The following TRIM7 variants were observed in gnomAD, a reference collection of about 807,000 sequenced individuals.
TRIM7 encodes the protein E3 ubiquitin-protein ligase TRIM7.
TRIM7 carries 32 observed loss-of-function variants against 37.9 expected under a neutral mutation model. That is an observed-to-expected ratio of 0.84 (90% CI 0.64 to 1.13). TRIM7 has a LOEUF of 1.13. Ranked by LOEUF, TRIM7 falls within the 50% of genes most tolerant of loss-of-function variation. The pLI, the probability that TRIM7 is intolerant of heterozygous loss-of-function variation, is 0.00. For synonymous variants in TRIM7, 351 were observed against 321.3 expected (o/e 1.09, Z -0.99); for missense variants, 732 against 714.0 (o/e 1.03, Z -0.29).
intron 2 of TRIM7, chr5:181,201,140 C>A (rs1392464144): frequency 1.3e-5 from 2 of 155,926 alleles, no homozygotes; most frequent in Non-Finnish European, 2.8e-5. Context: ...CCAGGGTTTC[C>A]CAACCTTAAC....
intron 2 of TRIM7, 187 bp from the exon 3 acceptor site, chr5:181,200,268 G>A (rs1757399938): frequency 1.4e-6 from 2 of 1,460,474 alleles, no homozygotes; most frequent in Non-Finnish European, 1.8e-6. Context: ...CTGTAGTCTG[G>A]ACACATGCTC....
In TRIM7 at chr5:181,195,626, A is replaced by G; in HGVS notation, c.1076T>C (p.Leu359Pro). The change falls in exon 7 of 7, where the codon CTG (leucine) becomes CCG (proline). Residue 359 changes from leucine to proline, a missense_variant. By Grantham distance (98) the Leu-to-Pro change is moderately conservative. Transcript: ENST00000274773. ...GCCGAGGCGCACGCCCTTAAGATCC[A>G]GAGAGAGGATGAGGCGCGGGTTGGC... ...DTANPRLILS[L>P]DLKGVRLGER... 1.3e-6 allele frequency: 2 copies of G among 1,556,340 alleles called. No individual in the cohort carries two copies. Among genetic ancestry groups the G allele is most frequent in the Non-Finnish European group, 1.7e-6 (2 of 1,147,498 alleles).
chr5:181,203,786 G>T, intron 1 of TRIM7, 146 bp from the exon 2 acceptor site: 1 of 1,418,824 alleles, frequency 7.0e-7, no homozygotes, highest in Non-Finnish European at 9.2e-7. Flanking sequence ...CAGGCTACAG[G>T]TTACACTGCG....
At chr5:181,203,313 G>C (rs1757621904) in intron 2 of TRIM7, 1 of 1,341,288 alleles carries the variant, frequency 7.5e-7, no homozygotes, top group Non-Finnish European at 9.5e-7. Context: ...GACAGCTCCA[G>C]TTTAAGCCAG....
chr5:181,195,108 G>A lies in TRIM7; in HGVS notation c.*58C>T, dbSNP rs916686236. On this transcript the variant is annotated 3_prime_UTR_variant, in exon 7 of 7. Coordinates refer to ENST00000274773, the MANE Select transcript of TRIM7 (RefSeq NM_203293.3). ...CCCAAGACGGACCAGGCATCTCTGG[G>A]GAGGCGACATCCCCTCCCACCGGCA... The A allele has an allele frequency of 6.5e-7, 1 of 1,543,436 alleles. No homozygotes were observed. The highest frequency in any genetic ancestry group is 1.4e-5 in the African/African-American group (1 of 73,338).
Position 181,195,123 on chromosome 5 carries a change from T to G in TRIM7, c.*43A>C. 6.4e-7 allele frequency: 1 copy of G among 1,551,090 alleles called. No individual in the cohort carries two copies. The highest frequency in any genetic ancestry group is 8.7e-7 in the Non-Finnish European group (1 of 1,145,916). On this transcript the variant is annotated 3_prime_UTR_variant, in exon 7 of 7. Coordinates refer to ENST00000274773, the MANE Select transcript of TRIM7 (RefSeq NM_203293.3). ...GCATCTCTGGGGAGGCGACATCCCC[T>G]CCCACCGGCAGCCCAGAGACAGGAG...
At chr5:181,204,358 C>A in intron 1 of TRIM7, 1 of 1,223,618 alleles carries the variant, frequency 8.2e-7, no homozygotes. Context: ...CAGTATCTGG[C>A]CCAGAGGGAA....
intron 2 of TRIM7, chr5:181,200,387 C>T: frequency 7.3e-7 from 1 of 1,375,514 alleles, no homozygotes; most frequent in African/African-American, 1.5e-5. Flanking sequence ...GCTGCAGCTT[C>T]CTCACTTGAA....
chr5:181,203,268 T>C, intron 2 of TRIM7: 1 of 1,276,904 alleles, frequency 7.8e-7, no homozygotes, highest in Non-Finnish European at 9.9e-7. Context: ...GTATGTTACG[T>C]AATATCAGAG....
chr5:181,197,899 A>G, intron 6 of TRIM7: 1 of 505,350 alleles, frequency 2.0e-6, no homozygotes, highest in Non-Finnish European at 3.6e-6. Flanking sequence ...GACCGGGTAG[A>G]GGCTCACCCA....
At chr5:181,200,499 TA>T (rs1757416550) in intron 2 of TRIM7, 1 of 1,080,142 alleles carries the variant, frequency 9.3e-7, no homozygotes, top group African/African-American at 1.7e-5. Context: ...CTCAAACTTT[TA>T]CACTTCACTT....
intron 3 of TRIM7, chr5:181,199,515 A>G: frequency 2.1e-6 from 1 of 465,520 alleles, no homozygotes. Flanking sequence ...ATGGATTGTG[A>G]AGTTTATCTA....
chr5:181,195,826 A>G (rs2113052803), intron 6 of TRIM7, 149 bp from the exon 7 acceptor site: 2 of 941,010 alleles, frequency 2.1e-6, no homozygotes, highest in Non-Finnish European at 2.9e-6. Flanking sequence ...ACCAACCCCC[A>G]CGCTCTGCCT....
At position 181,195,326 on chromosome 5, in the gene TRIM7, G is replaced by C. The variant is rs770769065; in HGVS notation, c.1376C>G (p.Ser459Trp). The change falls in exon 7 of 7, where the codon TCG (serine) becomes TGG (tryptophan). Residue 459 changes from serine to tryptophan, a missense_variant. Coordinates refer to ENST00000274773, the MANE Select transcript of TRIM7 (RefSeq NM_203293.3). ...CAGGTCCAGGGCCACCCGCACGCGC[G>C]ACAGGTGCCCGCAGCTGAGGGGCGA... ...ERSPLSCGHLSRVRVALDLEV... is the reference protein window; with the variant it reads ...ERSPLSCGHLWRVRVALDLEV... 2 of 1,592,502 alleles carry C rather than the reference G, an allele frequency of 1.3e-6. No homozygotes were observed. The highest frequency in any genetic ancestry group is 2.7e-5 in the African/African-American group (2 of 74,480).
intron 1 of TRIM7, chr5:181,203,876 A>C: frequency 1.5e-6 from 2 of 1,300,660 alleles, no homozygotes; most frequent in Non-Finnish European, 2.0e-6. Context: ...AAGCTCCGGC[A>C]GCCCTACCCC....
chr5:181,197,456 G>C (rs1034916274), intron 6 of TRIM7: 1 of 152,686 alleles, frequency 6.5e-6, no homozygotes, highest in African/African-American at 2.4e-5. Flanking sequence ...GGCCTGGGGT[G>C]GGGGAGCCTG....
intron 2 of TRIM7, chr5:181,202,424 C>G (rs1415531047): frequency 6.6e-6 from 1 of 152,176 alleles, no homozygotes; most frequent in Non-Finnish European, 1.5e-5. Context: ...GGTGATCCGC[C>G]CACCTCGACC....
rs1320711789 is a variant in TRIM7 at position 181,205,019 on chromosome 5, A to G, written c.92T>C (p.Ile31Thr). ...CGGCTCACGAAAGAGCTCTAGGCAG[A>G]TGGAGCACGTCGCCTCGCCCTGCAG... ...AELQGEATCS[I>T]CLELFREPVS... Residue 31 changes from isoleucine (I) to threonine (T), a missense_variant, in exon 1 of 7, where the codon ATC becomes ACC. Physicochemically the swap from Ile to Thr is moderately conservative, Grantham distance 89. Transcript: ENST00000274773. The G allele has an allele frequency of 2.0e-6, 3 of 1,469,992 alleles. No individual in the cohort carries two copies. Among genetic ancestry groups the G allele is most frequent in the Non-Finnish European group, 1.8e-6 (2 of 1,118,802 alleles). 91.1% of individuals were successfully genotyped at this position (1,469,992 alleles called of 1,614,324 possible).
At position 181,204,741 on chromosome 5, in the gene TRIM7, G is replaced by C. The variant is rs1246856923; in HGVS notation, c.370C>G (p.Arg124Gly). Residue 124 changes from arginine to glycine, a missense_variant, in exon 1 of 7, where the codon CGG becomes GGG. Coordinates refer to ENST00000274773, the MANE Select transcript of TRIM7 (RefSeq NM_203293.3). ...TGCCCGCAGCGGGCAGCCGCTGCCC[G>C]GGCCGCGGCCGCCTGAGACCCGTGC... Reference protein sequence around the residue: ...GEHGSQAAAARAAAARCGQHG... With the variant: ...GEHGSQAAAAGAAAARCGQHG... 4.8e-6 allele frequency: 7 copies of C among 1,461,714 alleles called. No homozygotes were observed. The highest frequency in any genetic ancestry group is 4.5e-5 in the African/African-American group (3 of 67,258). The allele number at this position is 1,461,714 out of a possible 1,614,324, so 90.5% of individuals were successfully genotyped here.
Sources: gnomAD v4.1 joint callset for allele counts on GRCh38, gnomAD v4.1.1 for gene constraint, MANE v1.5 for transcripts, NCBI Gene and HGNC (gene_info 2026-07-23, HGNC 2026-07-21) for gene names.